The following TENM1 variants were observed in gnomAD, a reference collection of about 807,000 sequenced individuals.
TENM1 encodes teneurin transmembrane protein 1, also known as teneurin-1.
In TENM1, 35 loss-of-function variants were observed where a neutral mutation model predicts 174.8. The observed-to-expected ratio is 0.20, with a 90% CI of 0.15 to 0.27. TENM1 has a LOEUF of 0.27. Ranked by LOEUF, TENM1 falls within the 10% of genes least tolerant of loss-of-function variation. The pLI is 1.00. For missense variants in TENM1, 1,633 were observed against 2,130.1 expected (o/e 0.77, Z 4.59); for synonymous variants, 781 against 798.7 (o/e 0.98, Z 0.37).
At chrX:124,801,318 T>C (rs2147235927) in intron 3 of TENM1, among the ~76,000 whole-genome samples, 1 of 112,197 alleles carries the variant, frequency 8.9e-6, no homozygotes. Flanking sequence ...CTCTTGTTGT[T>C]GAATTGATCC....
At chrX:124,691,206 T>A (rs2052512868) in intron 5 of TENM1, among the ~76,000 whole-genome samples, 1 of 111,859 alleles carries the variant, frequency 8.9e-6, no homozygotes, top group South Asian at 3.7e-4. Flanking sequence ...GTTCAAATTT[T>A]GTGTTTTTGT....
At chrX:124,636,091 A>T (rs998231701) in intron 11 of TENM1, among the ~76,000 whole-genome samples, 2 of 112,227 alleles carry the variant, frequency 1.8e-5, no homozygotes, top group African/African-American at 3.2e-5. Context: ...AGAGCAGCAC[A>T]GTTAACATGC....
chrX:124,681,311 A>T (rs150583880), intron 5 of TENM1, among the ~76,000 whole-genome samples: 1 of 111,842 alleles, frequency 8.9e-6, no homozygotes, highest in Non-Finnish European at 1.9e-5. Context: ...CATCTGCCTT[A>T]TAAGATGTGA....
At chrX:125,022,180 C>T in the TENM1 span, among the ~76,000 whole-genome samples, 1 of 111,743 alleles carries the variant, frequency 8.9e-6, no homozygotes, top group Admixed American at 9.5e-5. Context: ...TAAGTTTATC[C>T]ACAAGGAGAA....
At chrX:125,002,525 A>G in the TENM1 span, among the ~76,000 whole-genome samples, 2 of 110,522 alleles carry the variant, frequency 1.8e-5, no homozygotes, top group African/African-American at 3.3e-5. Flanking sequence ...CCAAAACTCA[A>G]AAGTGTCTTG....
intron 1 of TENM1, among the ~76,000 whole-genome samples, chrX:124,923,704 G>A (rs763514831): frequency 4.5e-5 from 5 of 112,182 alleles, no homozygotes; most frequent in African/African-American, 1.6e-4. Flanking sequence ...AAAAGTAGAC[G>A]AGTGAGGCAG....
At chrX:125,069,846 G>C in the TENM1 span, among the ~76,000 whole-genome samples, 1 of 110,925 alleles carries the variant, frequency 9.0e-6, no homozygotes, top group Middle Eastern at 4.6e-3. Flanking sequence ...CTTCCACAGG[G>C]GCTGAACAAA....
chrX:124,675,680 G>A (rs1387583227), intron 5 of TENM1, among the ~76,000 whole-genome samples: 1 of 107,790 alleles, frequency 9.3e-6, no homozygotes, highest in African/African-American at 3.4e-5. Flanking sequence ...ACATGAGAGG[G>A]TAGTGGGTTA....
intron 3 of TENM1, among the ~76,000 whole-genome samples, chrX:124,757,954 G>A (rs1341622081): frequency 7.1e-5 from 8 of 111,934 alleles, no homozygotes; most frequent in East Asian, 5.6e-4. Flanking sequence ...TTGTTTATAC[G>A]GGAGTATAAT....
At chrX:124,444,584 T>G (rs1047135782) in intron 23 of TENM1, among the ~76,000 whole-genome samples, 3 of 111,810 alleles carry the variant, frequency 2.7e-5, no homozygotes, top group Non-Finnish European at 3.8e-5. Context: ...ATCTGCTGTT[T>G]GCATCTATTT....
At chrX:124,860,468 C>T (rs1462864450) in intron 3 of TENM1, among the ~76,000 whole-genome samples, 1 of 111,861 alleles carries the variant, frequency 8.9e-6, no homozygotes, top group Non-Finnish European at 1.9e-5. Flanking sequence ...TCATCCATAT[C>T]AGGATGGTGT....
At chrX:125,160,221 AAAAAAG>A in the TENM1 span, among the ~76,000 whole-genome samples, 15 of 104,200 alleles carry the variant, frequency 1.4e-4, no homozygotes, top group Middle Eastern at 5.5e-3. Context: ...AAAAAAAAAG[AAAAAAG>A]AAAAAGAAAA....
At chrX:125,162,294 C>G in the TENM1 span, among the ~76,000 whole-genome samples, 1 of 111,962 alleles carries the variant, frequency 8.9e-6, no homozygotes, top group Admixed American at 9.5e-5. Context: ...AGACAATTTT[C>G]CCATTTCTTT....
chrX:124,784,922 C>G (rs760830226), intron 3 of TENM1, among the ~76,000 whole-genome samples: 145 of 111,261 alleles, frequency 1.3e-3, no homozygotes, highest in Non-Finnish European at 2.1e-3. Flanking sequence ...CTCCTATATT[C>G]TAATAATAAA....
intron 3 of TENM1, among the ~76,000 whole-genome samples, chrX:124,769,247 C>T (rs757786385): frequency 9.0e-6 from 1 of 111,700 alleles, no homozygotes; most frequent in East Asian, 2.8e-4. Flanking sequence ...AGAATTGTTT[C>T]ACCATGAAGC....
chrX:125,134,134 C>A, the TENM1 span, among the ~76,000 whole-genome samples: 2 of 111,558 alleles, frequency 1.8e-5, no homozygotes, highest in African/African-American at 3.3e-5. Context: ...TCATATTAAT[C>A]TTGTCTCAAA....
chrX:124,775,592 T>C (rs938030027), intron 3 of TENM1, among the ~76,000 whole-genome samples: 8 of 112,187 alleles, frequency 7.1e-5, no homozygotes, highest in African/African-American at 2.6e-4. Context: ...CAAGGAGAAC[T>C]TGGCTCTTCC....
the TENM1 span, among the ~76,000 whole-genome samples, chrX:125,080,109 A>C: frequency 9.0e-6 from 1 of 111,402 alleles, no homozygotes; most frequent in South Asian, 3.7e-4. Flanking sequence ...CACCAGCATC[A>C]GCATCACCTG....
the TENM1 span, among the ~76,000 whole-genome samples, chrX:125,045,120 GA>G: frequency 1.8e-5 from 2 of 111,338 alleles, no homozygotes; most frequent in Non-Finnish European, 3.8e-5. Flanking sequence ...AGTGTATGTA[GA>G]AAAAAACTGT....
Sources: gnomAD v4.1 joint callset for allele counts (sites outside exome capture counted in the v4.1 genomes callset) on GRCh38, gnomAD v4.1.1 for gene constraint, MANE v1.5 for transcripts, NCBI Gene and HGNC (gene_info 2026-07-23, HGNC 2026-07-21) for gene names.